GRM7: variants seen among roughly 807,000 people sequenced by gnomAD.
The protein encoded by GRM7 is metabotropic glutamate receptor 7.
Under a neutral mutation model 84.5 loss-of-function variants are expected in GRM7, and 35 were observed. The observed-to-expected ratio is 0.41, with a 90% CI of 0.32 to 0.55. The LOEUF (loss-of-function observed/expected upper bound fraction) is 0.55, where lower values mean the gene tolerates loss of function less well. Ranked by LOEUF, GRM7 falls within the 20% of genes least tolerant of loss-of-function variation. GRM7 has a pLI of 0.19. For missense variants in GRM7, 1,003 were observed against 1,194.6 expected (o/e 0.84, Z 2.36); for synonymous variants, 487 against 455.1 (o/e 1.07, Z -0.89).
At chr3:7,555,728 C>T (rs536951178) in intron 7 of GRM7, among the ~76,000 whole-genome samples, 1 of 152,208 alleles carries the variant, frequency 6.6e-6, no homozygotes, top group African/African-American at 2.4e-5. Context: ...ACTCATAAAA[C>T]ATTACTCATA....
intron 4 of GRM7, among the ~76,000 whole-genome samples, chr3:7,358,125 G>T (rs1244416023): frequency 6.6e-6 from 1 of 152,120 alleles, no homozygotes; most frequent in Non-Finnish European, 1.5e-5. Flanking sequence ...GGGGTTGGTA[G>T]TTGAAAATTA....
chr3:7,315,409 GTA>G (rs1399208528), intron 4 of GRM7, among the ~76,000 whole-genome samples: 1 of 152,192 alleles, frequency 6.6e-6, no homozygotes, highest in Non-Finnish European at 1.5e-5. Flanking sequence ...GCTTAATGCT[GTA>G]TATTGCATGC....
chr3:7,145,665 G>C (rs1374948769), intron 1 of GRM7, among the ~76,000 whole-genome samples: 1 of 152,028 alleles, frequency 6.6e-6, no homozygotes, highest in Admixed American at 6.6e-5. Flanking sequence ...ATCCTTATAG[G>C]CAAAAGTTCT....
At chr3:7,333,326 C>T (rs946102137) in intron 4 of GRM7, among the ~76,000 whole-genome samples, 8 of 152,146 alleles carry the variant, frequency 5.3e-5, no homozygotes, top group Non-Finnish European at 1.0e-4. Flanking sequence ...TGCAGACATT[C>T]GCCAGCACCA....
intron 1 of GRM7, among the ~76,000 whole-genome samples, chr3:6,868,397 GTTTTA>G (rs1484693022): frequency 6.6e-6 from 1 of 152,156 alleles, no homozygotes; most frequent in African/African-American, 2.4e-5. Flanking sequence ...AGAAATATAT[GTTTTA>G]TTTTAATCCT....
intron 8 of GRM7, among the ~76,000 whole-genome samples, chr3:7,596,805 T>C (rs540209637): frequency 9.2e-5 from 14 of 152,210 alleles, no homozygotes; most frequent in Non-Finnish European, 1.6e-4. Flanking sequence ...CAAGGGGTTT[T>C]ACTGTCATGA....
At chr3:7,347,670 T>C (rs944014648) in intron 4 of GRM7, among the ~76,000 whole-genome samples, 5 of 152,168 alleles carry the variant, frequency 3.3e-5, no homozygotes, top group Admixed American at 1.3e-4. Flanking sequence ...TTTGACCAAA[T>C]GTAAGGCATA....
rs774163623 is a variant in GRM7, at chr3:6,937,025, TG to T, written c.519+75119del. ...GCTTTATGTAATTCCAGGGGAATTTTGAACATATTATTTAGGGGTATAATGT... is the reference window on the plus strand; with the variant it reads ...GCTTTATGTAATTCCAGGGGAATTTTAACATATTATTTAGGGGTATAATGT... On this transcript the variant is annotated intron_variant, in intron 1 of 9. Coordinates refer to ENST00000357716, the MANE Select transcript of GRM7 (RefSeq NM_000844.4). Among the ~76,000 whole-genome samples the T allele has an allele frequency of 1.6e-4, 25 of 152,308 alleles. 1 individual carries two copies. Among genetic ancestry groups the T allele is most frequent in the South Asian group, 8.3e-4 (4 of 4,826 alleles).
intron 4 of GRM7, among the ~76,000 whole-genome samples, chr3:7,393,873 C>T (rs1001887676): frequency 3.3e-5 from 5 of 152,156 alleles, no homozygotes; most frequent in African/African-American, 1.2e-4. Context: ...ACCAGCACCA[C>T]GTGGTCCATG....
intron 7 of GRM7, among the ~76,000 whole-genome samples, chr3:7,570,946 T>C (rs1446035692): frequency 6.6e-6 from 1 of 152,192 alleles, no homozygotes; most frequent in African/African-American, 2.4e-5. Flanking sequence ...CAATACTCCA[T>C]GGAAGCTCCC....
chr3:7,575,628 G>A (rs1322273014), intron 7 of GRM7, among the ~76,000 whole-genome samples: 1 of 152,128 alleles, frequency 6.6e-6, no homozygotes, highest in Non-Finnish European at 1.5e-5. Flanking sequence ...GCATTTAAAT[G>A]TTAATCAGTA....
rs2125042312 is a variant in GRM7, at chr3:6,928,848, A to T, written c.519+66941A>T. Reference sequence around the variant, plus strand: ...GAACACTTGTTTGTCATTCATGATGATTAGGTTCCCCCATATTTGAACTGG... The same window carrying T: ...GAACACTTGTTTGTCATTCATGATGTTTAGGTTCCCCCATATTTGAACTGG... On this transcript the variant is annotated intron_variant, in intron 1 of 9. Coordinates refer to ENST00000357716, the MANE Select transcript of GRM7 (RefSeq NM_000844.4). This position sits in a 1 kb window ranked among gnomAD's most constrained non-coding sequence, Gnocchi z 4.5. Among the ~76,000 whole-genome samples, 1 of 152,288 alleles carries T rather than the reference A, an allele frequency of 6.6e-6. No individual in the cohort carries two copies. Among genetic ancestry groups the T allele is most frequent in the African/African-American group, 2.4e-5 (1 of 41,548 alleles).
In GRM7 at chr3:7,578,757, C is replaced by G. The variant is rs1559416151; in HGVS notation, c.1851C>G (p.Asp617Glu). The change falls in exon 8 of 10, where the codon GAC becomes GAG. Residue 617 changes from aspartate (D) to glutamate (E), a missense_variant. This residue lies in a region of GRM7 where 910 missense variants were observed against 1,126.0 expected (regional missense o/e 0.81). Coordinates refer to ENST00000357716, the MANE Select transcript of GRM7 (RefSeq NM_000844.4). ...FVMATFIRYN[D>E]TPIVRASGRE... ...TGGCCACTTTCATCCGCTACAATGACACGCCCATTGTCCGGGCATCTGGGC... is the reference window on the plus strand; with the variant it reads ...TGGCCACTTTCATCCGCTACAATGAGACGCCCATTGTCCGGGCATCTGGGC... The G allele has an allele frequency of 6.2e-7, 1 of 1,613,588 alleles. No individual in the cohort carries two copies. The highest frequency in any genetic ancestry group is 1.3e-5 in the African/African-American group (1 of 75,022).
At chr3:7,225,331 A>G (rs1696947376) in intron 2 of GRM7, among the ~76,000 whole-genome samples, 1 of 149,750 alleles carries the variant, frequency 6.7e-6, no homozygotes, top group Non-Finnish European at 1.5e-5. Flanking sequence ...GGGTTATAAT[A>G]TATAACTTAT....
At chr3:7,470,078 G>C (rs976901549) in intron 7 of GRM7, among the ~76,000 whole-genome samples, 7 of 152,112 alleles carry the variant, frequency 4.6e-5, no homozygotes, top group Non-Finnish European at 8.8e-5. Flanking sequence ...CAAGGTGTGC[G>C]CTCTCTATGT....
intron 1 of GRM7, among the ~76,000 whole-genome samples, chr3:7,021,851 A>T (rs370387729): frequency 1.3e-5 from 2 of 152,222 alleles, no homozygotes; most frequent in East Asian, 3.8e-4. Flanking sequence ...CATATAAAAT[A>T]AGATTTATGG....
At chr3:7,529,387 C>T (rs527283803) in intron 7 of GRM7, among the ~76,000 whole-genome samples, 1 of 152,202 alleles carries the variant, frequency 6.6e-6, no homozygotes, top group East Asian at 1.9e-4. Flanking sequence ...ACCTAGCAAG[C>T]CAGCTGTCTA....
intron 4 of GRM7, among the ~76,000 whole-genome samples, chr3:7,356,208 T>C (rs1347484000): frequency 6.6e-6 from 1 of 152,104 alleles, no homozygotes; most frequent in Non-Finnish European, 1.5e-5. Flanking sequence ...GGGAGAAGTA[T>C]ATGAATAGAC....
At chr3:6,883,176 T>C (rs545320287) in intron 1 of GRM7, among the ~76,000 whole-genome samples, 98 of 152,350 alleles carry the variant, frequency 6.4e-4, no homozygotes, top group African/African-American at 1.9e-3. Context: ...ATTAAACTTA[T>C]TTTAATGTAT....
Sources: gnomAD v4.1 joint callset for allele counts (sites outside exome capture counted in the v4.1 genomes callset) on GRCh38, gnomAD v4.1.1 for gene constraint, gnomAD v4.1.1 regional missense constraint, Gnocchi (gnomAD v3.1) non-coding constraint, MANE v1.5 for transcripts, NCBI Gene and HGNC (gene_info 2026-07-23, HGNC 2026-07-21) for gene names.